The following TENM2 variants were observed in gnomAD, a reference collection of about 807,000 sequenced individuals.
TENM2 encodes teneurin transmembrane protein 2, also known as teneurin-2.
A neutral mutation model predicts 245.2 loss-of-function variants in TENM2; 52 were observed. That is an observed-to-expected ratio of 0.21 (90% confidence interval 0.17 to 0.27). The LOEUF (loss-of-function observed/expected upper bound fraction) is 0.27. Ranked by LOEUF, TENM2 falls within the 10% of genes least tolerant of loss-of-function variation. The probability of loss-of-function intolerance (pLI) is 1.00; values close to 1 mark genes in which losing one functional copy is unlikely to be tolerated. For synonymous variants in TENM2, 1,363 were observed against 1,438.9 expected, an observed-to-expected ratio of 0.95 and a Z score of 1.19; for missense variants, 3,046 against 3,666.8, an observed-to-expected ratio of 0.83 and a Z score of 4.37.
the TENM2 span, among the ~76,000 whole-genome samples, chr5:167,173,636 G>T: frequency 1.3e-5 from 2 of 152,030 alleles, no homozygotes; most frequent in South Asian, 2.1e-4. Flanking sequence ...GTGAAGACTT[G>T]CTACTTACCA....
At position 168,190,556 on chromosome 5, in the gene TENM2, C is replaced by A; in HGVS notation, c.2780+9C>A. 6.2e-7 allele frequency: 1 copy of A among 1,610,648 alleles called. No individual in the cohort carries two copies. Among genetic ancestry groups the A allele is most frequent in the Non-Finnish European group, 8.5e-7 (1 of 1,177,468 alleles). On this transcript the variant is annotated intron_variant, in intron 14 of 28. Coordinates refer to ENST00000518659, the Ensembl canonical transcript of TENM2. Reference sequence around the variant, plus strand: ...AACCCTTTCAACAGCAGGTAGGCACCCTCTGTCCCTGCAAACTCCTGAAGT... The same window carrying A: ...AACCCTTTCAACAGCAGGTAGGCACACTCTGTCCCTGCAAACTCCTGAAGT...
chr5:168,106,160 G>A (rs749556752), intron 9 of TENM2, among the ~76,000 whole-genome samples: 19 of 152,096 alleles, frequency 1.2e-4, no homozygotes, highest in Non-Finnish European at 2.8e-4. Context: ...GTCACTGGAG[G>A]CCCAGAAATG....
intron 2 of TENM2, among the ~76,000 whole-genome samples, chr5:167,442,824 G>T (rs1184765470): frequency 2.0e-5 from 3 of 152,104 alleles, no homozygotes; most frequent in African/African-American, 7.2e-5. Context: ...TTCAGTGAGA[G>T]CTCTCACTCC....
At chr5:167,795,175 C>A (rs1249858738) in intron 2 of TENM2, among the ~76,000 whole-genome samples, 1 of 152,086 alleles carries the variant, frequency 6.6e-6, no homozygotes, top group Non-Finnish European at 1.5e-5. Flanking sequence ...ACTGGAGAAT[C>A]CTCACCCTTA....
rs79464392 is a variant in TENM2, at chr5:168,156,199, C to T, written c.2423-6412C>T. Among the ~76,000 whole-genome samples, 913 of 140,590 alleles carry T rather than the reference C, an allele frequency of 6.5e-3. 13 individuals carry two copies. The highest frequency in any genetic ancestry group is 0.033 in the Middle Eastern group (8 of 246). The allele number at this position is 140,590 out of a possible 152,430, so 92.2% of individuals were successfully genotyped here. A position where few individuals can be genotyped will look rare whatever the true frequency, so the allele number is the denominator to read the frequency against. ...GACAGTAAGAGAGACATCCAGATTC[C>T]ATTCCCAGAACTCTGACTCCAAACC... is the stretch of plus-strand genomic sequence containing the variant. On this transcript the variant is annotated intron_variant, in intron 12 of 28. Coordinates refer to ENST00000518659, the Ensembl canonical transcript of TENM2.
the TENM2 span, among the ~76,000 whole-genome samples, chr5:167,160,773 G>T: frequency 6.6e-6 from 1 of 152,190 alleles, no homozygotes; most frequent in East Asian, 1.9e-4. Context: ...AATTACCTGA[G>T]GATGGGATGT....
At chr5:167,118,710 A>G in the TENM2 span, among the ~76,000 whole-genome samples, 4 of 152,180 alleles carry the variant, frequency 2.6e-5, no homozygotes, top group Admixed American at 6.5e-5. Flanking sequence ...ATGAGTATCA[A>G]TGCTGCTTAT....
chr5:167,727,235 G>A (rs764269610), intron 2 of TENM2, among the ~76,000 whole-genome samples: 2 of 146,170 alleles, frequency 1.4e-5, no homozygotes, highest in Non-Finnish European at 3.0e-5. Flanking sequence ...TCAGCCTCCC[G>A]AGTTGCTGGG....
intron 28 of TENM2, among the ~76,000 whole-genome samples, chr5:168,261,163 C>A (rs1026958588): frequency 6.6e-6 from 1 of 152,172 alleles, no homozygotes; most frequent in Non-Finnish European, 1.5e-5. Context: ...TCTCATTTAT[C>A]TAAGTGCCGT....
At chr5:167,008,453 T>C in the TENM2 span, among the ~76,000 whole-genome samples, 6 of 152,336 alleles carry the variant, frequency 3.9e-5, no homozygotes, top group East Asian at 7.7e-4. Context: ...TACCAGTCTT[T>C]CAATTTTTTC....
chr5:167,842,922 C>T (rs912022703), intron 2 of TENM2, among the ~76,000 whole-genome samples: 5 of 152,204 alleles, frequency 3.3e-5, no homozygotes, highest in African/African-American at 1.2e-4. Flanking sequence ...TGAAGGCTTG[C>T]ATCCCCATGG....
chr5:167,660,725 G>A (rs865919245), intron 2 of TENM2, among the ~76,000 whole-genome samples: 1 of 152,016 alleles, frequency 6.6e-6, no homozygotes, highest in African/African-American at 2.4e-5. Flanking sequence ...TTCTGGAAAT[G>A]CATGTTCCGA....
intron 25 of TENM2, chr5:168,232,240 G>A (rs1764998239): frequency 6.6e-6 from 1 of 152,314 alleles, no homozygotes; most frequent in Admixed American, 6.5e-5. Flanking sequence ...GGAGAGATTT[G>A]AGAGATGTCT....
intron 2 of TENM2, among the ~76,000 whole-genome samples, chr5:167,721,586 C>G (rs1335801265): frequency 6.6e-6 from 1 of 152,176 alleles, no homozygotes. Context: ...TGTAGCCTCT[C>G]TTTGAGCCTG....
intron 3 of TENM2, among the ~76,000 whole-genome samples, chr5:167,925,708 T>A (rs1414213504): frequency 2.0e-5 from 3 of 152,220 alleles, no homozygotes; most frequent in African/African-American, 7.2e-5. Flanking sequence ...TCAACCTAAA[T>A]GCCCATTAAT....
intron 2 of TENM2, among the ~76,000 whole-genome samples, chr5:167,444,380 C>T (rs1156743057): frequency 6.6e-6 from 1 of 151,908 alleles, no homozygotes; most frequent in Non-Finnish European, 1.5e-5. Context: ...AACAAATGAA[C>T]AAGCTGTTAA....
At chr5:167,986,356 C>G (rs1443030241) in intron 4 of TENM2, among the ~76,000 whole-genome samples, 6 of 152,182 alleles carry the variant, frequency 3.9e-5, no homozygotes, top group African/African-American at 1.4e-4. Context: ...GAATGCAGGA[C>G]ACAGAGCTGA....
At position 167,350,406 on chromosome 5, in the gene TENM2, CAT is replaced by C. The variant is rs1207652567; in HGVS notation, c.227-24785_227-24784del. ...TGATGGAATTATGAAAACCCATATACATATATATGTGTGTGTGTGTGTGTGTG... is the reference window on the plus strand; with the variant it reads ...TGATGGAATTATGAAAACCCATATACATATATGTGTGTGTGTGTGTGTGTG... On this transcript the variant is annotated intron_variant, in intron 1 of 28. Coordinates refer to ENST00000518659, the Ensembl canonical transcript of TENM2. Among the ~76,000 whole-genome samples, 85 of 96,952 alleles carry C rather than the reference CAT, an allele frequency of 8.8e-4. 1 individual carries two copies. In the East Asian group the frequency reaches 9.3e-3, roughly 11 times the overall value. 63.6% of individuals were successfully genotyped at this position (96,952 alleles called of 152,430 possible).
chr5:167,617,395 G>C (rs1017126890), intron 2 of TENM2, among the ~76,000 whole-genome samples: 1 of 152,132 alleles, frequency 6.6e-6, no homozygotes, highest in African/African-American at 2.4e-5. Flanking sequence ...CTGAAGGAAG[G>C]CTACATGAGA....
Sources: gnomAD v4.1 joint callset for allele counts (sites outside exome capture counted in the v4.1 genomes callset) on GRCh38, gnomAD v4.1.1 for gene constraint, MANE v1.5 for transcripts, NCBI Gene and HGNC (gene_info 2026-07-23, HGNC 2026-07-21) for gene names.